The following STK39 variants were observed in gnomAD, a reference collection of about 807,000 sequenced individuals.
STK39 encodes STE20/SPS1-related proline-alanine-rich protein kinase.
STK39 carries 20 observed loss-of-function variants against 77.8 expected under a neutral mutation model. The ratio of observed to expected loss-of-function variants is 0.26; its 90% CI spans 0.18 to 0.37. The LOEUF is 0.37. STK39 is among the 10% of genes least tolerant of loss of function. STK39 has a pLI of 1.00. For missense variants in STK39, 479 were observed against 656.5 expected, an observed-to-expected ratio of 0.73 and a Z score of 2.95; for synonymous variants, 246 against 234.1, an observed-to-expected ratio of 1.05 and a Z score of -0.47.
chr2:167,989,979 G>A (rs1179500997), intron 16 of STK39, among the ~76,000 whole-genome samples: 1 of 151,990 alleles, frequency 6.6e-6, no homozygotes, highest in Non-Finnish European at 1.5e-5. Context: ...AACTTAATGT[G>A]AGCTATAACA....
intron 14 of STK39, among the ~76,000 whole-genome samples, chr2:168,050,660 G>A (rs939526795): frequency 5.9e-5 from 9 of 152,122 alleles, no homozygotes; most frequent in Admixed American, 3.9e-4. Flanking sequence ...GAAAAGGGAA[G>A]GAAACAGACT....
In STK39 at chr2:168,189,962, G is replaced by C. The variant is rs141768431; in HGVS notation, c.209-7872C>G. ...GATGGGGAGTATAGGGAGAAGAGAGGACAACCTAGCCCGCCCGAGCTATGA... is the reference window on the plus strand; with the variant it reads ...GATGGGGAGTATAGGGAGAAGAGAGCACAACCTAGCCCGCCCGAGCTATGA... On this transcript the variant is annotated intron_variant, in intron 1 of 17. Coordinates refer to ENST00000355999, the MANE Select transcript of STK39 (RefSeq NM_013233.3). Among the ~76,000 whole-genome samples the C allele has an allele frequency of 3.7e-3, 569 of 152,246 alleles. 2 individuals are homozygous for C. Among genetic ancestry groups the C allele is most frequent in the Non-Finnish European group, 6.4e-3 (436 of 68,022 alleles).
chr2:168,146,331 A>C (rs1688138684), intron 5 of STK39, among the ~76,000 whole-genome samples: 1 of 152,210 alleles, frequency 6.6e-6, no homozygotes, highest in Non-Finnish European at 1.5e-5. Flanking sequence ...ACCTACCTCA[A>C]ACTTCTACAG....
chr2:168,141,746 T>C (rs1354440678), intron 5 of STK39, among the ~76,000 whole-genome samples: 1 of 152,176 alleles, frequency 6.6e-6, no homozygotes, highest in Non-Finnish European at 1.5e-5. Context: ...CCCCTGCAAA[T>C]CGCTCTCATA....
intron 16 of STK39, among the ~76,000 whole-genome samples, chr2:168,001,325 T>C (rs1167511069): frequency 6.7e-6 from 1 of 148,664 alleles, no homozygotes; most frequent in Non-Finnish European, 1.5e-5. Flanking sequence ...ACGTTGATGA[T>C]ACAATGGGGA....
intron 14 of STK39, among the ~76,000 whole-genome samples, chr2:168,057,187 TTTTA>T (rs1447169248): frequency 6.6e-6 from 1 of 152,100 alleles, no homozygotes; most frequent in Non-Finnish European, 1.5e-5. Flanking sequence ...TCTACAAATG[TTTTA>T]TTTATTTACT....
intron 16 of STK39, among the ~76,000 whole-genome samples, chr2:168,011,901 C>T (rs1381865354): frequency 1.3e-5 from 2 of 152,076 alleles, no homozygotes; most frequent in Non-Finnish European, 2.9e-5. Context: ...CCATCCAAAC[C>T]TGAGATTTTA....
At chr2:168,210,048 A>G in intron 1 of STK39, among the ~76,000 whole-genome samples, 1 of 148,012 alleles carries the variant, frequency 6.8e-6, no homozygotes, top group Non-Finnish European at 1.5e-5. Flanking sequence ...GAAGGAAGGA[A>G]GGAAGGAAGG....
chr2:168,016,387 CAAAAAAAAA>C (rs869084308), intron 15 of STK39, among the ~76,000 whole-genome samples: 39 of 65,688 alleles, frequency 5.9e-4, no homozygotes, highest in African/African-American at 1.7e-3. Context: ...GGCCTTTGTT[CAAAAAAAAA>C]AAAAAAAAAA....
intron 16 of STK39, among the ~76,000 whole-genome samples, chr2:167,980,775 G>C (rs1683397032): frequency 4.0e-5 from 6 of 148,166 alleles, no homozygotes; most frequent in Admixed American, 4.0e-4. Flanking sequence ...TTTTAAATGT[G>C]TAGTAATTTC....
chr2:168,033,478 T>G (rs1684877518), intron 14 of STK39, among the ~76,000 whole-genome samples: 1 of 152,214 alleles, frequency 6.6e-6, no homozygotes, highest in Non-Finnish European at 1.5e-5. Context: ...ATAGAAGCTG[T>G]GGCCTACTCT....
intron 14 of STK39, among the ~76,000 whole-genome samples, chr2:168,039,904 G>T (rs1010057276): frequency 6.6e-6 from 1 of 152,136 alleles, no homozygotes; most frequent in African/African-American, 2.4e-5. Flanking sequence ...TTAGATAAAG[G>T]TATTGCTGAT....
At chr2:168,157,909 T>C (rs1212632673) in intron 5 of STK39, among the ~76,000 whole-genome samples, 1 of 152,192 alleles carries the variant, frequency 6.6e-6, no homozygotes, top group Non-Finnish European at 1.5e-5. Context: ...TTATAGAACA[T>C]CAAGAGTAGC....
intron 8 of STK39, among the ~76,000 whole-genome samples, chr2:168,134,504 C>T (rs1559113386): frequency 7.3e-6 from 1 of 137,720 alleles, no homozygotes; most frequent in Non-Finnish European, 1.5e-5. Context: ...ACATCATCCC[C>T]CTTGTTGCAA....
At chr2:168,092,920 G>A (rs1009634068) in intron 10 of STK39, among the ~76,000 whole-genome samples, 6 of 152,162 alleles carry the variant, frequency 3.9e-5, no homozygotes, top group African/African-American at 7.2e-5. Context: ...CCCAGGGTAC[G>A]GAATCTTTCG....
chr2:168,104,882 T>C (rs1686928332), intron 10 of STK39, among the ~76,000 whole-genome samples: 1 of 152,198 alleles, frequency 6.6e-6, no homozygotes, highest in East Asian at 1.9e-4. Flanking sequence ...TGCAAACATT[T>C]GGAAACACCT....
chr2:168,235,228 C>T lies in STK39; in HGVS notation c.208+12000G>A, dbSNP rs144103651. Among the ~76,000 whole-genome samples the T allele has an allele frequency of 7.9e-3, 1,204 of 151,912 alleles. 14 individuals carry two copies. The highest frequency in any genetic ancestry group is 0.022 in the African/African-American group (932 of 41,448). ...AATCATTCTGTATTTTTAGTAGAGA[C>T]GGGGTTTCACCATATTGGCAAGGCT... On this transcript the variant is annotated intron_variant, in intron 1 of 17. Coordinates refer to ENST00000355999, the MANE Select transcript of STK39 (RefSeq NM_013233.3).
intron 16 of STK39, among the ~76,000 whole-genome samples, chr2:167,987,766 A>G (rs1218998393): frequency 6.6e-6 from 1 of 152,134 alleles, no homozygotes; most frequent in Non-Finnish European, 1.5e-5. Flanking sequence ...TTTTAATGAG[A>G]TTTTAATTTC....
At chr2:168,041,162 T>A (rs1685094607) in intron 14 of STK39, among the ~76,000 whole-genome samples, 1 of 152,120 alleles carries the variant, frequency 6.6e-6, no homozygotes, top group Non-Finnish European at 1.5e-5. Flanking sequence ...AACATTAATA[T>A]GCTAAAACTA....
Sources: allele counts gnomAD v4.1 joint callset (sites outside exome capture counted in the v4.1 genomes callset), GRCh38; gene constraint gnomAD v4.1.1; transcripts MANE v1.5; gene names NCBI Gene and HGNC (gene_info 2026-07-23, HGNC 2026-07-21).